HRG: variants seen among roughly 807,000 people sequenced by gnomAD.
The protein encoded by HRG is histidine rich glycoprotein, also known as histidine-rich glycoprotein.
A neutral mutation model predicts 29.5 loss-of-function variants in HRG; 26 were observed. The observed-to-expected ratio is 0.88, with a 90% CI of 0.65 to 1.22. The LOEUF is 1.22. HRG is among the 50% of genes most tolerant of loss of function. The pLI is 0.00. For missense variants in HRG, 671 were observed against 654.5 expected (o/e 1.03, Z -0.28); for synonymous variants, 243 against 240.4 (o/e 1.01, Z -0.10).
At chr3:186,675,493 G>A (rs1212061197) in intron 6 of HRG, among the ~76,000 whole-genome samples, 1 of 151,966 alleles carries the variant, frequency 6.6e-6, no homozygotes, top group Non-Finnish European at 1.5e-5. Flanking sequence ...ATTGAAGAGG[G>A]GTAACAATTG....
intron 6 of HRG, among the ~76,000 whole-genome samples, chr3:186,675,562 T>C (rs1354439250): frequency 6.6e-6 from 1 of 152,162 alleles, no homozygotes; most frequent in Non-Finnish European, 1.5e-5. Flanking sequence ...AAAATGCTCT[T>C]TGTAGTCGGG....
At chr3:186,669,182 G>A (rs1049649480) in intron 2 of HRG, 131 bp downstream of exon 2, 1 of 761,926 alleles carries the variant, frequency 1.3e-6, no homozygotes, top group African/African-American at 1.7e-5. Flanking sequence ...TCATGAAGAT[G>A]ATGTTAACCT....
chr3:186,670,876 T>C (rs1225281964), intron 3 of HRG, among the ~76,000 whole-genome samples: 2 of 152,144 alleles, frequency 1.3e-5, no homozygotes, highest in Admixed American at 1.3e-4. Flanking sequence ...CATTTTCAAA[T>C]AGAATTATCA....
At chr3:186,671,138 G>C (rs1385416067) in intron 3 of HRG, among the ~76,000 whole-genome samples, 1 of 150,422 alleles carries the variant, frequency 6.6e-6, no homozygotes, top group African/African-American at 2.4e-5. Context: ...AGGGTTGCTT[G>C]AGCCCAGGAG....
Position 186,671,771 on chromosome 3 carries a change from C to G in HRG, c.540C>G (p.Ile180Met), listed in dbSNP as rs548102367. 1 of 1,613,728 alleles carries G rather than the reference C, an allele frequency of 6.2e-7. No homozygotes were observed. Residue 180 changes from isoleucine to methionine, a missense_variant, in exon 4 of 7, where the codon ATC (isoleucine) becomes ATG (methionine). Transcript: ENST00000232003. ...DDFASFRVDRIERVARVRGGE... is the reference protein window; with the variant it reads ...DDFASFRVDRMERVARVRGGE... ...TTGCCTCTTTCAGAGTGGACCGAAT[C>G]GAGAGAGTTGCAAGAGTGGTGAGTC...
chr3:186,668,680 C>T, intron 1 of HRG: 3 of 462,096 alleles, frequency 6.5e-6, no homozygotes, highest in Non-Finnish European at 4.0e-6. Flanking sequence ...GCTAAACCAC[C>T]ACTGCCGTTT....
intron 6 of HRG, among the ~76,000 whole-genome samples, chr3:186,676,827 G>T (rs964630157): frequency 5.3e-5 from 8 of 151,894 alleles, no homozygotes; most frequent in Non-Finnish European, 1.2e-4. Context: ...AAAAAAAATA[G>T]TTTCTTTTGT....
At chr3:186,666,342 G>A (rs905902986) in intron 1 of HRG, 128 bp downstream of exon 1, 42 of 893,840 alleles carry the variant, frequency 4.7e-5, no homozygotes, top group Non-Finnish European at 6.3e-5. Flanking sequence ...TGGCTTCTGC[G>A]GCTGCTCTAA....
chr3:186,668,763 T>C, intron 1 of HRG, 172 bp from the exon 2 acceptor site: 1 of 599,968 alleles, frequency 1.7e-6, no homozygotes, highest in South Asian at 2.0e-5. Flanking sequence ...AATAACTCAT[T>C]GAAGCTATGT....
At chr3:186,673,676 C>T (rs1718880759) in intron 5 of HRG, 2 of 152,156 alleles carry the variant, frequency 1.3e-5, no homozygotes, top group Admixed American at 1.3e-4. Flanking sequence ...ACAGGAATCC[C>T]ACTTGACAAA....
intron 1 of HRG, 140 bp from the exon 2 acceptor site, chr3:186,668,795 G>A: frequency 1.5e-6 from 1 of 645,638 alleles, no homozygotes; most frequent in South Asian, 1.8e-5. Context: ...TAGATCAAAT[G>A]ACGCAAAGGT....
At chr3:186,668,009 C>A (rs915403291) in intron 1 of HRG, among the ~76,000 whole-genome samples, 1 of 152,082 alleles carries the variant, frequency 6.6e-6, no homozygotes, top group Non-Finnish European at 1.5e-5. Context: ...GACAATTTAC[C>A]CTTCTGAAAG....
Position 186,678,207 on chromosome 3 carries a change from A to G in HRG, c.*324A>G, listed in dbSNP as rs539727354. The stretch of plus-strand genomic sequence containing the variant: ...GTTACTGCTTGGGCTATACCTGGGC[A>G]TACTAATAAAGTATGGTATTGAAAC... On this transcript the variant is annotated 3_prime_UTR_variant, in exon 7 of 7. Transcript: ENST00000232003. 3.6e-4 allele frequency: 122 copies of G among 336,408 alleles called. No individual in the cohort carries two copies. Among genetic ancestry groups the G allele is most frequent in the African/African-American group, 2.4e-3 (112 of 47,348 alleles). 20.8% of individuals were successfully genotyped at this position (336,408 alleles called of 1,614,324 possible).
chr3:186,669,205 T>C (rs1333326858), intron 2 of HRG, among the ~76,000 whole-genome samples, 154 bp downstream of exon 2: 2 of 152,256 alleles, frequency 1.3e-5, no homozygotes, highest in Non-Finnish European at 1.5e-5. Flanking sequence ...AGCAATACTC[T>C]TGAGAGTCTT....
In HRG at chr3:186,668,982, C is replaced by A. The variant is rs73185646; in HGVS notation, c.231C>A (p.Asp77Glu). Residue 77 changes from aspartate to glutamate, a missense_variant, in exon 2 of 7, where the codon GAC becomes GAA. Transcript: ENST00000232003. ...YYLVLDVQES[D>E]CSVLSRKYWN... ...TAGTCTTAGATGTGCAAGAATCGGA[C>A]TGTTCGGTCCTATCCAGGAAATACT... 6.2e-7 allele frequency: 1 copy of A among 1,612,612 alleles called. No individual in the cohort carries two copies. Among genetic ancestry groups the A allele is most frequent in the Middle Eastern group, 1.7e-4 (1 of 6,060 alleles).
At chr3:186,669,760 T>C (rs1718727836) in intron 2 of HRG, 178 bp from the exon 3 acceptor site, 1 of 653,868 alleles carries the variant, frequency 1.5e-6, no homozygotes, top group Non-Finnish European at 2.8e-6. Flanking sequence ...GCCAACAGGA[T>C]GCAGCACACA....
At chr3:186,671,494 A>C in intron 3 of HRG, 129 bp from the exon 4 acceptor site, 1 of 922,538 alleles carries the variant, frequency 1.1e-6, no homozygotes, top group Non-Finnish European at 1.8e-6. Flanking sequence ...TTGATCTTGA[A>C]GCAGTTACTC....
intron 1 of HRG, among the ~76,000 whole-genome samples, chr3:186,666,551 C>G (rs1158510571): frequency 1.3e-5 from 2 of 152,142 alleles, no homozygotes; most frequent in Non-Finnish European, 2.9e-5. Context: ...GTGTAAGTTA[C>G]TAGGATAAAC....
At chr3:186,670,600 T>A in intron 3 of HRG, among the ~76,000 whole-genome samples, 1 of 152,032 alleles carries the variant, frequency 6.6e-6, no homozygotes, top group East Asian at 1.9e-4. Flanking sequence ...CAGGCTGGAG[T>A]GCAATAGTGT....
Sources: allele counts gnomAD v4.1 joint callset (sites outside exome capture counted in the v4.1 genomes callset), GRCh38; gene constraint gnomAD v4.1.1; transcripts MANE v1.5; gene names NCBI Gene and HGNC (gene_info 2026-07-23, HGNC 2026-07-21).